NOL4: variants seen among roughly 807,000 people sequenced by gnomAD.
The protein encoded by NOL4 is nucleolar protein 4, also known as cancer/testis antigen 125.
A neutral mutation model predicts 75.9 loss-of-function variants in NOL4; 17 were observed. That is an observed-to-expected ratio of 0.22 (90% CI 0.15 to 0.34). The LOEUF (loss-of-function observed/expected upper bound fraction) is 0.34, where lower values mean the gene tolerates loss of function less well. Among genes scored for constraint, NOL4 ranks in the 10% least tolerant of loss-of-function variants. NOL4 has a pLI of 1.00. For missense variants in NOL4, 614 were observed against 793.5 expected, an observed-to-expected ratio of 0.77 and a Z score of 2.72; for synonymous variants, 292 against 289.9, an observed-to-expected ratio of 1.01 and a Z score of -0.07.
intron 10 of NOL4, among the ~76,000 whole-genome samples, chr18:33,853,358 C>T (rs191148689): frequency 3.9e-5 from 6 of 152,064 alleles, no homozygotes; most frequent in Admixed American, 2.0e-4. Flanking sequence ...ATGTTGTAGA[C>T]GCTTCTCATA....
At chr18:33,873,615 T>A (rs1013985146) in intron 10 of NOL4, among the ~76,000 whole-genome samples, 3 of 151,994 alleles carry the variant, frequency 2.0e-5, no homozygotes, top group East Asian at 1.9e-4. Flanking sequence ...ATTATCTCCA[T>A]GGTCAACTGG....
At chr18:34,106,016 TA>T (rs1174452887) in intron 2 of NOL4, among the ~76,000 whole-genome samples, 1 of 152,064 alleles carries the variant, frequency 6.6e-6, no homozygotes, top group Non-Finnish European at 1.5e-5. Context: ...ACAGTGCTAC[TA>T]AGAAGTCTGA....
At chr18:34,118,095 A>C (rs1411668350) in intron 2 of NOL4, among the ~76,000 whole-genome samples, 1 of 152,214 alleles carries the variant, frequency 6.6e-6, no homozygotes, top group East Asian at 1.9e-4. Context: ...AGAGCAAACA[A>C]TAATTAATAT....
chr18:34,000,279 A>C (rs1216746788), intron 6 of NOL4, among the ~76,000 whole-genome samples: 3 of 152,054 alleles, frequency 2.0e-5, no homozygotes, highest in Non-Finnish European at 4.4e-5. Flanking sequence ...GTGGGAAGCC[A>C]GTCAAAAGGC....
At chr18:34,148,789 CT>C (rs902696115) in intron 1 of NOL4, among the ~76,000 whole-genome samples, 19 of 152,018 alleles carry the variant, frequency 1.2e-4, no homozygotes, top group African/African-American at 4.1e-4. Context: ...TCTTGTTGAT[CT>C]GTCTAATATT....
In NOL4 at chr18:33,851,285, A is replaced by G. The variant is rs1394317913; in HGVS notation, c.*1557T>C. ...GATTTTTCACATTATATTCACCAACAGTATCACAAAAGTTTTTTTTTTGTT... is the reference window on the plus strand; with the variant it reads ...GATTTTTCACATTATATTCACCAACGGTATCACAAAAGTTTTTTTTTTGTT... On this transcript the variant is annotated 3_prime_UTR_variant, in exon 11 of 11. Transcript: ENST00000261592. 6.6e-6 allele frequency: 1 copy of G among 152,336 alleles called. No homozygotes were observed. The highest frequency in any genetic ancestry group is 1.5e-5 in the Non-Finnish European group (1 of 67,922). The allele number at this position is 152,336 out of a possible 1,614,324, so 9.4% of individuals were successfully genotyped here.
chr18:33,975,085 T>C (rs1412518324), intron 6 of NOL4, among the ~76,000 whole-genome samples: 3 of 148,484 alleles, frequency 2.0e-5, no homozygotes, highest in Non-Finnish European at 4.5e-5. Context: ...CAAATACTGA[T>C]AATTTCACTT....
intron 6 of NOL4, among the ~76,000 whole-genome samples, chr18:33,982,038 TA>T (rs1020215472): frequency 4.6e-5 from 7 of 151,630 alleles, no homozygotes; most frequent in African/African-American, 1.7e-4. Context: ...CTAGAAACAG[TA>T]AAAATAAAAA....
At chr18:34,097,860 G>C (rs543935847) in intron 4 of NOL4, among the ~76,000 whole-genome samples, 5 of 152,086 alleles carry the variant, frequency 3.3e-5, no homozygotes, top group Admixed American at 6.6e-5. Flanking sequence ...TATTTGAAAA[G>C]TTTTTAATAA....
intron 1 of NOL4, among the ~76,000 whole-genome samples, chr18:34,151,317 C>T (rs2081626360): frequency 6.6e-6 from 1 of 151,758 alleles, no homozygotes; most frequent in African/African-American, 2.4e-5. Context: ...AACAAGATGT[C>T]CTTCAGTAGG....
At chr18:33,987,761 T>G (rs560571846) in intron 6 of NOL4, among the ~76,000 whole-genome samples, 8 of 152,244 alleles carry the variant, frequency 5.3e-5, no homozygotes, top group African/African-American at 1.9e-4. Flanking sequence ...TTTCCCAGTA[T>G]ACGGTTGATC....
At chr18:33,882,050 A>C (rs1267402769) in intron 10 of NOL4, among the ~76,000 whole-genome samples, 1 of 152,064 alleles carries the variant, frequency 6.6e-6, no homozygotes, top group Non-Finnish European at 1.5e-5. Flanking sequence ...ACACAAAAAT[A>C]AATTCAAGAT....
rs566354780 is a variant in NOL4, at chr18:33,988,630, G to A, written c.1057-30212C>T. 1.1e-4 allele frequency among the ~76,000 whole-genome samples: 17 copies of A among 152,116 alleles called. 1 individual carries two copies. In the South Asian group the frequency reaches 3.5e-3, roughly 32 times the overall value. ...TGAGGCTCAACCCAGTATAGATGATGTAGATTGACACAGCTGAAGAGTGAG... is the reference window on the plus strand; with the variant it reads ...TGAGGCTCAACCCAGTATAGATGATATAGATTGACACAGCTGAAGAGTGAG... On this transcript the variant is annotated intron_variant, in intron 6 of 10. Transcript: ENST00000261592.
chr18:33,926,197 T>C (rs754299179), intron 9 of NOL4, among the ~76,000 whole-genome samples: 4 of 151,614 alleles, frequency 2.6e-5, no homozygotes, highest in Non-Finnish European at 5.9e-5. Flanking sequence ...CTGTCTCTAC[T>C]AAAAATACAA....
intron 10 of NOL4, among the ~76,000 whole-genome samples, chr18:33,877,366 G>A (rs1200100928): frequency 1.4e-5 from 2 of 147,028 alleles, no homozygotes; most frequent in Non-Finnish European, 3.0e-5. Context: ...TATAGTCCCA[G>A]CTACTCAGAC....
chr18:34,027,816 A>G (rs1367715819), intron 5 of NOL4, among the ~76,000 whole-genome samples: 1 of 152,144 alleles, frequency 6.6e-6, no homozygotes, highest in East Asian at 1.9e-4. Flanking sequence ...TTTTGTGGAT[A>G]TTTTATTTTT....
intron 5 of NOL4, among the ~76,000 whole-genome samples, chr18:34,024,272 G>A (rs1270989285): frequency 7.0e-6 from 1 of 143,812 alleles, no homozygotes; most frequent in Non-Finnish European, 1.5e-5. Context: ...CAGGTCAGAT[G>A]CTCACAGGGT....
At chr18:34,046,726 T>A (rs1003628214) in intron 5 of NOL4, among the ~76,000 whole-genome samples, 4 of 150,400 alleles carry the variant, frequency 2.7e-5, no homozygotes, top group African/African-American at 4.9e-5. Context: ...TTTTGTTAAT[T>A]CTGCTCACTG....
chr18:34,214,827 C>G (rs566867480), intron 1 of NOL4, among the ~76,000 whole-genome samples: 1 of 152,212 alleles, frequency 6.6e-6, no homozygotes, highest in South Asian at 2.1e-4. Context: ...ATTATTCAGC[C>G]TTTAAAAGGA....
Sources: allele counts gnomAD v4.1 joint callset (sites outside exome capture counted in the v4.1 genomes callset), GRCh38; gene constraint gnomAD v4.1.1; transcripts MANE v1.5; gene names NCBI Gene and HGNC (gene_info 2026-07-23, HGNC 2026-07-21).